LRRN4: variants seen among roughly 807,000 people sequenced by gnomAD.
The protein encoded by LRRN4 is leucine-rich repeat neuronal protein 4.
LRRN4 carries 26 observed loss-of-function variants against 22.3 expected under a neutral mutation model. The ratio of observed to expected loss-of-function variants is 1.16; its 90% confidence interval spans 0.85 to 1.62. The LOEUF (loss-of-function observed/expected upper bound fraction) is 1.62. LRRN4 is among the 40% of genes most tolerant of loss of function. The pLI is 0.00. For synonymous variants in LRRN4, 496 were observed against 486.2 expected, an observed-to-expected ratio of 1.02 and a Z score of -0.26; for missense variants, 1,070 against 1,008.5, an observed-to-expected ratio of 1.06 and a Z score of -0.83.
At chr20:6,042,368 C>A in intron 4 of LRRN4, 122 bp from the exon 5 acceptor site, 1 of 1,117,950 alleles carries the variant, frequency 8.9e-7, no homozygotes. Context: ...CTGCCAGGCA[C>A]CCCAGGGCAC....
At position 6,052,713 on chromosome 20, in the gene LRRN4, C is replaced by T; in HGVS notation, c.87G>A (p.Arg29=). 1.3e-6 allele frequency: 2 copies of T among 1,570,740 alleles called. No individual in the cohort carries two copies. Among genetic ancestry groups the T allele is most frequent in the Non-Finnish European group, 1.7e-6 (2 of 1,165,844 alleles). The change falls in exon 2 of 5, where the codon CGG becomes CGA. Residue 29 remains arginine, a synonymous_variant. Transcript: ENST00000378858. ...DPPQEKVPLF[R]VTQQGPWGSS... ...TCCCCCAGGGGCCCTGCTGAGTGAC[C>T]CGGAAGAGCGGGACCTTCTCCTGGG...
rs143913312 is a variant in LRRN4 at position 6,041,964 on chromosome 20, C to T, written c.1281G>A (p.Glu427=). ...IAAWPHSDAR[E]GTAPSTTNSV... ...AGTTGGTCGTGGAGGGGGCAGTCCC[C>T]TCCCGTGCATCGCTGTGCGGCCATG... The change falls in exon 5 of 5, where the codon GAG becomes GAA. Residue 427 remains glutamate (E), a synonymous_variant. Transcript: ENST00000378858. The surrounding 1 kb of genome is among the most constrained non-coding windows in gnomAD (Gnocchi z 9.4). The T allele has an allele frequency of 1.8e-5, 29 of 1,614,142 alleles. No homozygotes were observed. The African/African-American group carries it at 2.9e-4, about 16-fold the overall frequency.
At chr20:6,044,061 A>T (rs1237140658) in intron 4 of LRRN4, among the ~76,000 whole-genome samples, 4 of 152,166 alleles carry the variant, frequency 2.6e-5, no homozygotes, top group Non-Finnish European at 5.9e-5. Flanking sequence ...GGCCAGCCTA[A>T]ATGTGGCTCC....
At position 6,052,782 on chromosome 20, in the gene LRRN4, C is replaced by T. The variant is rs778686203; in HGVS notation, c.18G>A (p.Pro6=). ...GGCGCAGCACCGTCAGCAGCAGCAG[C>T]GGTAGGGTTTGCCGCATGGCGTCTG... MRQTL[P]LLLLTVLRPS... The change falls in exon 2 of 5, where the codon CCG becomes CCA. Residue 6 remains proline (P), a synonymous_variant. Coordinates refer to ENST00000378858, the MANE Select transcript of LRRN4 (RefSeq NM_152611.5). 8.9e-6 allele frequency: 14 copies of T among 1,572,214 alleles called. No individual in the cohort carries two copies. The highest frequency in any genetic ancestry group is 3.5e-5 in the South Asian group (3 of 86,826).
rs1035874090 is a variant in LRRN4 at position 6,051,607 on chromosome 20, C to T, written c.655+538G>A. ...CAGGAGACCGGTTATCCTCACCACT[C>T]TCCTGTGGCTTGAGTGATTAAACAT... On this transcript the variant is annotated intron_variant, in intron 2 of 4. Coordinates refer to ENST00000378858, the MANE Select transcript of LRRN4 (RefSeq NM_152611.5). Among the ~76,000 whole-genome samples the T allele has an allele frequency of 2.0e-5, 3 of 152,230 alleles. No homozygotes were observed. The East Asian group carries it at 5.8e-4, about 29-fold the overall frequency.
At chr20:6,044,762 A>G in intron 3 of LRRN4, 82 bp from the exon 4 acceptor site, 2 of 1,275,024 alleles carry the variant, frequency 1.6e-6, no homozygotes, top group African/African-American at 1.5e-5. Context: ...TGGTGTCAGA[A>G]CCATGCCCAT....
At position 6,042,670 on chromosome 20, in the gene LRRN4, C is replaced by G. The variant is rs1190063828; in HGVS notation, c.999-424G>C. ...GTGCGATGGCTCAAGCCTGTAATCT[C>G]AGCACTTTGGGAAGCTGAGGCGGGC... On this transcript the variant is annotated intron_variant, in intron 4 of 4. Coordinates refer to ENST00000378858, the MANE Select transcript of LRRN4 (RefSeq NM_152611.5). 2.6e-5 allele frequency among the ~76,000 whole-genome samples: 4 copies of G among 152,152 alleles called. 1 individual carries two copies. Among genetic ancestry groups the G allele is most frequent in the Middle Eastern group, 6.3e-3 (2 of 316 alleles).
In LRRN4 at chr20:6,050,834, C is replaced by G; in HGVS notation, c.805G>C (p.Val269Leu). 1 of 1,613,720 alleles carries G rather than the reference C, an allele frequency of 6.2e-7. No homozygotes were observed. The highest frequency in any genetic ancestry group is 8.5e-7 in the Non-Finnish European group (1 of 1,179,890). Residue 269 changes from valine (V) to leucine (L), a missense_variant, in exon 3 of 5, where the codon GTC becomes CTC. Physicochemically the swap from Val to Leu is conservative, Grantham distance 32. Coordinates refer to ENST00000378858, the MANE Select transcript of LRRN4 (RefSeq NM_152611.5). The part of the protein sequence containing the change: ...DCQDSPALAS[V>L]ATHIFQDTPH... ...GTATCTTGAAAGATGTGTGTGGCGA[C>G]AGAAGCAAGTGCTGGGGAGTCCTGA...
rs140660335 is a variant in LRRN4 at position 6,041,302 on chromosome 20, C to T, written c.1943G>A (p.Arg648His). Residue 648 changes from arginine to histidine, a missense_variant, in exon 5 of 5, where the codon CGC (arginine) becomes CAC (histidine). Arg to His is a conservative substitution (Grantham distance 29). Coordinates refer to ENST00000378858, the MANE Select transcript of LRRN4 (RefSeq NM_152611.5). The surrounding 1 kb of genome is among the most constrained non-coding windows in gnomAD (Gnocchi z 9.4). Reference protein sequence around the residue: ...LYGLSPGTTYRVCVLAANRAG... With the variant: ...LYGLSPGTTYHVCVLAANRAG... Reference sequence around the variant, plus strand: ...CCTGTTGGCCGCCAGCACGCACACGCGGTAGGTGGTGCCCGGCGACAGCCC... The same window carrying T: ...CCTGTTGGCCGCCAGCACGCACACGTGGTAGGTGGTGCCCGGCGACAGCCC... The T allele has an allele frequency of 7.0e-4, 1,110 of 1,596,372 alleles. 4 individuals are homozygous for T. In the African/African-American group the frequency reaches 0.013, roughly 19 times the overall value.
At chr20:6,048,153 G>C (rs1022236377) in intron 3 of LRRN4, among the ~76,000 whole-genome samples, 1 of 152,052 alleles carries the variant, frequency 6.6e-6, no homozygotes, top group East Asian at 1.9e-4. Context: ...GGCTCCTGAT[G>C]GTTTTGCCAA....
At chr20:6,047,514 C>T (rs1397111395) in intron 3 of LRRN4, among the ~76,000 whole-genome samples, 1 of 150,816 alleles carries the variant, frequency 6.6e-6, no homozygotes, top group Non-Finnish European at 1.5e-5. Context: ...TGGCTGGGAG[C>T]GGTGGCTCAC....
At chr20:6,045,439 A>AAAAAT (rs1261630495) in intron 3 of LRRN4, among the ~76,000 whole-genome samples, 1 of 148,630 alleles carries the variant, frequency 6.7e-6, no homozygotes, top group African/African-American at 2.4e-5. Context: ...CCCTGTCTCA[A>AAAAAT]AAAATAAAAC....
Position 6,052,349 on chromosome 20 carries a change from G to C in LRRN4, c.451C>G (p.Leu151Val). ...CGCAGCGGATTCCCGGCGAGCGCCAGGGCGCGGAGGCTGCTCAGCGCGGGC... is the reference window on the plus strand; with the variant it reads ...CGCAGCGGATTCCCGGCGAGCGCCACGGCGCGGAGGCTGCTCAGCGCGGGC... ...TGPALSSLRA[L>V]ALAGNPLRAL... is the part of the protein sequence containing the mutation. Residue 151 changes from leucine to valine, a missense_variant, in exon 2 of 5, where the codon CTG becomes GTG. Coordinates refer to ENST00000378858, the MANE Select transcript of LRRN4 (RefSeq NM_152611.5). The C allele has an allele frequency of 6.6e-7, 1 of 1,507,362 alleles. No homozygotes were observed. The allele number at this position is 1,507,362 out of a possible 1,614,324, so 93.4% of individuals were successfully genotyped here.
At position 6,041,137 on chromosome 20, in the gene LRRN4, G is replaced by A. The variant is rs114994187; in HGVS notation, c.2108C>T (p.Ala703Val). 7.0e-4 allele frequency: 1,135 copies of A among 1,610,170 alleles called. 11 individuals carry two copies. The African/African-American group carries it at 0.014, about 20-fold the overall frequency. Residue 703 changes from alanine to valine, a missense_variant, in exon 5 of 5, where the codon GCA (alanine) becomes GTA (valine). Coordinates refer to ENST00000378858, the MANE Select transcript of LRRN4 (RefSeq NM_152611.5). The surrounding 1 kb of genome is among the most constrained non-coding windows in gnomAD (Gnocchi z 9.4). The part of the protein sequence containing the change: ...LLLASTVVLS[A>V]CLCRRGQTLG... Reference sequence around the variant, plus strand: ...CGTCTGGCCCCGCCTGCAGAGACATGCGGACAGCACCACGGTGCTGGCGAG... The same window carrying A: ...CGTCTGGCCCCGCCTGCAGAGACATACGGACAGCACCACGGTGCTGGCGAG...
In LRRN4 at chr20:6,045,460, AAAC is replaced by A. The variant is rs751454379; in HGVS notation, c.861-783_861-781del. On this transcript the variant is annotated intron_variant, in intron 3 of 4. Transcript: ENST00000378858. ...CTCAAAAAATAAAACAAAACAAAAC[AAAC>A]AACAACAACAAAAACACACACACAA... is the stretch of plus-strand genomic sequence containing the variant. Among the ~76,000 whole-genome samples the A allele has an allele frequency of 3.4e-5, 5 of 148,318 alleles. No homozygotes were observed. The Admixed American group carries it at 3.4e-4, about 10-fold the overall frequency.
chr20:6,042,780 A>G (rs1981001213), intron 4 of LRRN4, among the ~76,000 whole-genome samples: 1 of 152,008 alleles, frequency 6.6e-6, no homozygotes, highest in Non-Finnish European at 1.5e-5. Flanking sequence ...TTAGCCGGGC[A>G]TGGTGGCGGG....
chr20:6,041,629 C>T lies in LRRN4; in HGVS notation c.1616G>A (p.Gly539Glu). 1 of 1,596,060 alleles carries T rather than the reference C, an allele frequency of 6.3e-7. No homozygotes were observed. Among genetic ancestry groups the T allele is most frequent in the Non-Finnish European group, 8.5e-7 (1 of 1,169,932 alleles). Reference sequence around the variant, plus strand: ...ACAGGGGACGTCCTGGTGAGGCGTTCCCACCTCCTCCTTCCTCCCTTCCTC... The same window carrying T: ...ACAGGGGACGTCCTGGTGAGGCGTTTCCACCTCCTCCTTCCTCCCTTCCTC... ...EEEEGRKEEVGTPHQDVPCDY... is the reference protein window; with the variant it reads ...EEEEGRKEEVETPHQDVPCDY... The change falls in exon 5 of 5, where the codon GGA becomes GAA. Residue 539 changes from glycine (G) to glutamate (E), a missense_variant. Transcript: ENST00000378858. The surrounding 1 kb of genome is among the most constrained non-coding windows in gnomAD (Gnocchi z 9.4).
chr20:6,044,403 A>T (rs562884972), intron 4 of LRRN4, 140 bp downstream of exon 4: 6 of 816,480 alleles, frequency 7.3e-6, no homozygotes, highest in Admixed American at 8.6e-5. Flanking sequence ...ATCCCTGAGT[A>T]TGACTACATG....
chr20:6,053,355 A>G (rs1163308859), intron 1 of LRRN4, among the ~76,000 whole-genome samples: 1 of 152,234 alleles, frequency 6.6e-6, no homozygotes, highest in East Asian at 1.9e-4. Context: ...TCTTGGAGTC[A>G]GTTTCTTGGC....
Sources: gnomAD v4.1 joint callset for allele counts (sites outside exome capture counted in the v4.1 genomes callset) on GRCh38, gnomAD v4.1.1 for gene constraint, Gnocchi (gnomAD v3.1) non-coding constraint, MANE v1.5 for transcripts, NCBI Gene and HGNC (gene_info 2026-07-23, HGNC 2026-07-21) for gene names.